HNRNPC: variants seen among roughly 807,000 people sequenced by gnomAD.
HNRNPC encodes heterogeneous nuclear ribonucleoprotein C, also known as heterogeneous nuclear ribonucleoproteins C1/C2.
Under a neutral mutation model 33.2 loss-of-function variants are expected in HNRNPC, and 3 were observed. The ratio of observed to expected loss-of-function variants is 0.09; its 90% confidence interval spans 0.04 to 0.23. The LOEUF is 0.23. Among genes scored for constraint, HNRNPC ranks in the 10% least tolerant of loss-of-function variants. The pLI is 1.00. For synonymous variants in HNRNPC, 121 were observed against 126.7 expected (o/e 0.96, Z 0.30); for missense variants, 143 against 366.7 (o/e 0.39, Z 4.98).
chr14:21,216,260 C>A (rs372038847), intron 5 of HNRNPC, among the ~76,000 whole-genome samples: 8 of 151,964 alleles, frequency 5.3e-5, no homozygotes, highest in Admixed American at 3.3e-4. Flanking sequence ...TAGCTGCAAA[C>A]AGTGACATTT....
At chr14:21,214,596 A>G (rs191862189) in intron 5 of HNRNPC, among the ~76,000 whole-genome samples, 2 of 137,732 alleles carry the variant, frequency 1.5e-5, no homozygotes, top group South Asian at 2.3e-4. Context: ...AGAAAACAGA[A>G]AAAAGTTTGC....
chr14:21,212,907 C>A lies in HNRNPC; in HGVS notation c.523+53G>T, dbSNP rs1891774686. ...AAAAATATTGTAACTGCATTAGCTT[C>A]CCTATCTCAAAACACAAGAGATACC... On this transcript the variant is annotated intron_variant, in intron 6 of 8. Transcript: ENST00000553300. 1.3e-6 allele frequency: 2 copies of A among 1,595,288 alleles called. No individual in the cohort carries two copies. Among genetic ancestry groups the A allele is most frequent in the African/African-American group, 1.3e-5 (1 of 74,454 alleles).
intron 2 of HNRNPC, among the ~76,000 whole-genome samples, chr14:21,246,885 A>T (rs1350805364): frequency 6.6e-6 from 1 of 152,186 alleles, no homozygotes; most frequent in South Asian, 2.1e-4. Context: ...TCTACTTAAC[A>T]AAGTCAATAT....
At chr14:21,252,904 A>G (rs1896823231) in intron 2 of HNRNPC, among the ~76,000 whole-genome samples, 2 of 152,170 alleles carry the variant, frequency 1.3e-5, no homozygotes, top group Admixed American at 1.3e-4. Flanking sequence ...AGGCGGGTGC[A>G]GTTGCTCACA....
At chr14:21,239,602 G>C (rs1197816353) in intron 2 of HNRNPC, among the ~76,000 whole-genome samples, 1 of 151,824 alleles carries the variant, frequency 6.6e-6, no homozygotes. Flanking sequence ...GGCCAGGCAC[G>C]GTGGCTCACA....
At chr14:21,265,959 C>A (rs1467999231) in intron 1 of HNRNPC, among the ~76,000 whole-genome samples, 1 of 152,188 alleles carries the variant, frequency 6.6e-6, no homozygotes, top group Non-Finnish European at 1.5e-5. Flanking sequence ...TCAGGGCCCA[C>A]CCCAGACTTA....
At chr14:21,221,852 C>T (rs1449312415) in intron 5 of HNRNPC, among the ~76,000 whole-genome samples, 1 of 151,886 alleles carries the variant, frequency 6.6e-6, no homozygotes, top group Non-Finnish European at 1.5e-5. Context: ...TCAAGACCAT[C>T]CTGGCAAACA....
At chr14:21,241,606 C>T (rs1453654877) in intron 2 of HNRNPC, among the ~76,000 whole-genome samples, 4 of 152,112 alleles carry the variant, frequency 2.6e-5, no homozygotes, top group African/African-American at 7.2e-5. Context: ...TATTTAGGTC[C>T]GGCTACCCTA....
At chr14:21,249,147 A>G (rs746059642) in intron 2 of HNRNPC, among the ~76,000 whole-genome samples, 11 of 152,216 alleles carry the variant, frequency 7.2e-5, no homozygotes, top group Non-Finnish European at 1.6e-4. Context: ...TTCTGCAAAG[A>G]TAGCAAAATG....
chr14:21,230,471 A>G, intron 4 of HNRNPC, 105 bp from the exon 5 acceptor site: 1 of 766,720 alleles, frequency 1.3e-6, no homozygotes, highest in Non-Finnish European at 2.3e-6. Flanking sequence ...AAATAGATCA[A>G]CAAGATTAGC....
intron 2 of HNRNPC, among the ~76,000 whole-genome samples, chr14:21,260,339 C>T (rs1437219081): frequency 1.4e-5 from 2 of 139,156 alleles, no homozygotes; most frequent in African/African-American, 2.7e-5. Flanking sequence ...GCACTCCAGT[C>T]TAGGTGACAG....
intron 4 of HNRNPC, 65 bp downstream of exon 4, chr14:21,230,932 C>A: frequency 3.8e-6 from 6 of 1,571,540 alleles, no homozygotes; most frequent in Non-Finnish European, 5.2e-6. Flanking sequence ...GGACACAATG[C>A]AGTTATAAAT....
chr14:21,211,856 G>A lies in HNRNPC; in HGVS notation c.591C>T (p.Leu197=). ...TTTCAATTTTTTCCAGGTTTTCCAG[G>A]AGAGAATCCACTTTTTGTTTTATCT... ...LTQIKQKVDS[L]LENLEKIEKE... The change falls in exon 7 of 9, where the codon CTC becomes CTT. Residue 197 remains leucine (L), a synonymous_variant. Coordinates refer to ENST00000553300, the MANE Select transcript of HNRNPC (RefSeq NM_004500.4). 3 of 1,612,998 alleles carry A rather than the reference G, an allele frequency of 1.9e-6. No individual in the cohort carries two copies. The highest frequency in any genetic ancestry group is 2.5e-6 in the Non-Finnish European group (3 of 1,179,956).
intron 2 of HNRNPC, among the ~76,000 whole-genome samples, chr14:21,238,388 T>C (rs191900454): frequency 5.3e-5 from 8 of 152,330 alleles, no homozygotes; most frequent in Admixed American, 3.9e-4. Flanking sequence ...GAACGGACAG[T>C]ACAGAAACAC....
At chr14:21,255,878 C>G (rs1877099375) in intron 2 of HNRNPC, among the ~76,000 whole-genome samples, 1 of 152,136 alleles carries the variant, frequency 6.6e-6, no homozygotes, top group Non-Finnish European at 1.5e-5. Context: ...TAAGGGAAGA[C>G]ACATCACTAA....
rs541436372 is a variant in HNRNPC, at chr14:21,249,987, AAAT to A, written c.-37+13321_-37+13323del. 2.7e-3 allele frequency among the ~76,000 whole-genome samples: 411 copies of A among 152,344 alleles called. 4 individuals carry two copies. The highest frequency in any genetic ancestry group is 9.2e-3 in the African/African-American group (384 of 41,576). ...AATCAAGAGAATATGCAATATGCAA[AAAT>A]AATAAAACACAGGAAGGTCTTATTT... On this transcript the variant is annotated intron_variant, in intron 2 of 8. Transcript: ENST00000553300.
chr14:21,229,263 G>A (rs1347987156), intron 5 of HNRNPC, among the ~76,000 whole-genome samples: 4 of 151,206 alleles, frequency 2.6e-5, no homozygotes, highest in Non-Finnish European at 4.4e-5. Flanking sequence ...GGTGGCGGGC[G>A]CCTGTAGTCC....
intron 2 of HNRNPC, among the ~76,000 whole-genome samples, chr14:21,253,884 T>A (rs577824506): frequency 4.0e-5 from 6 of 151,698 alleles, no homozygotes; most frequent in Non-Finnish European, 8.8e-5. Context: ...GCTAACACGG[T>A]GAATCCCCGT....
At position 21,249,537 on chromosome 14, in the gene HNRNPC, G is replaced by C. The variant is rs568399336; in HGVS notation, c.-37+13774C>G. On this transcript the variant is annotated intron_variant, in intron 2 of 8. Transcript: ENST00000553300. ...GGAAGCAGAGATAGCAGGGAGCCTA[G>C]ATCTCGCCACTGCACTCCAGCCTGG... 5.1e-5 allele frequency among the ~76,000 whole-genome samples: 7 copies of C among 136,958 alleles called. No homozygotes were observed. In the South Asian group the frequency reaches 1.4e-3, roughly 27 times the overall value. The allele number at this position is 136,958 out of a possible 152,430, so 89.8% of individuals were successfully genotyped here. A position where few individuals can be genotyped will look rare whatever the true frequency, so the allele number is the denominator to read the frequency against.
Sources: allele counts gnomAD v4.1 joint callset (sites outside exome capture counted in the v4.1 genomes callset), GRCh38; gene constraint gnomAD v4.1.1; transcripts MANE v1.5; gene names NCBI Gene and HGNC (gene_info 2026-07-23, HGNC 2026-07-21).